Variants in TCF7L1 observed in about 807,000 individuals in gnomAD.
TCF7L1 encodes the protein transcription factor 7 like 1.
Under a neutral mutation model 63.7 loss-of-function variants are expected in TCF7L1, and 18 were observed. The ratio of observed to expected loss-of-function variants is 0.28; its 90% CI spans 0.20 to 0.42. TCF7L1 has a LOEUF of 0.42. TCF7L1 is among the 10% of genes least tolerant of loss of function. The probability of loss-of-function intolerance (pLI) is 1.00; values close to 1 mark genes in which losing one functional copy is unlikely to be tolerated. For missense variants in TCF7L1, 654 were observed against 779.3 expected (o/e 0.84, Z 1.91); for synonymous variants, 355 against 340.9 (o/e 1.04, Z -0.46).
chr2:85,143,562 G>A (rs1677795972), intron 3 of TCF7L1, among the ~76,000 whole-genome samples: 1 of 152,196 alleles, frequency 6.6e-6, no homozygotes, highest in Non-Finnish European at 1.5e-5. Flanking sequence ...TTTTGCTGCT[G>A]TGCAAACAGA....
At chr2:85,162,940 C>T (rs938179686) in intron 3 of TCF7L1, among the ~76,000 whole-genome samples, 2 of 152,146 alleles carry the variant, frequency 1.3e-5, no homozygotes, top group African/African-American at 4.8e-5. Flanking sequence ...CCACACATAG[C>T]CAGTAAAGGG....
At position 85,133,780 on chromosome 2, in the gene TCF7L1, C is replaced by G; in HGVS notation, c.96C>G (p.Leu32=). The part of the protein sequence containing the change: ...SAGAAGGGDD[L]GANDELIPFQ... The stretch of plus-strand genomic sequence containing the variant: ...GGGCGGCCGGCGGAGGGGACGACCT[C>G]GGGGCGAACGACGAGCTGATCCCCT... Residue 32 remains leucine (L), a synonymous_variant, in exon 1 of 12, where the codon CTC becomes CTG. Transcript: ENST00000282111. The surrounding 1 kb of genome is among the most constrained non-coding windows in gnomAD (Gnocchi z 4.4). 7.4e-7 allele frequency: 1 copy of G among 1,344,598 alleles called. No individual in the cohort carries two copies. The highest frequency in any genetic ancestry group is 9.6e-7 in the Non-Finnish European group (1 of 1,044,052). 83.3% of individuals were successfully genotyped at this position (1,344,598 alleles called of 1,614,324 possible). A position where few individuals can be genotyped will look rare whatever the true frequency, so the allele number is the denominator to read the frequency against.
intron 4 of TCF7L1, among the ~76,000 whole-genome samples, chr2:85,299,178 C>A (rs1384824578): frequency 6.6e-6 from 1 of 151,924 alleles, no homozygotes; most frequent in East Asian, 1.9e-4. Flanking sequence ...AAATACAGCA[C>A]ATGAGCAATC....
At chr2:85,233,737 G>A (rs1680131563) in intron 3 of TCF7L1, 1 of 152,064 alleles carries the variant, frequency 6.6e-6, no homozygotes, top group African/African-American at 2.4e-5. Context: ...CCTTTGTAGT[G>A]AGCCCCAAAC....
chr2:85,257,409 G>C (rs1214446684), intron 3 of TCF7L1, among the ~76,000 whole-genome samples: 1 of 152,212 alleles, frequency 6.6e-6, no homozygotes, highest in African/African-American at 2.4e-5. Context: ...TCCTCGGACT[G>C]CCCACTGGAG....
At chr2:85,221,187 C>T (rs1679833543) in intron 3 of TCF7L1, among the ~76,000 whole-genome samples, 1 of 152,030 alleles carries the variant, frequency 6.6e-6, no homozygotes, top group African/African-American at 2.4e-5. Flanking sequence ...GAAAACACAA[C>T]AAAATAAACA....
At chr2:85,308,483 T>C (rs111607187) in intron 11 of TCF7L1, among the ~76,000 whole-genome samples, 631 of 37,158 alleles carry the variant, frequency 0.017, 11 homozygotes, top group African/African-American at 0.071. Flanking sequence ...CTCCCCCTCC[T>C]TCCCTCCCTT....
At chr2:85,137,409 C>T (rs1677619532) in intron 3 of TCF7L1, among the ~76,000 whole-genome samples, 1 of 152,202 alleles carries the variant, frequency 6.6e-6, no homozygotes, top group Admixed American at 6.5e-5. Context: ...GTCCCCTCAG[C>T]ATGGGATGTG....
At chr2:85,169,971 A>G (rs958833983) in intron 3 of TCF7L1, among the ~76,000 whole-genome samples, 1 of 152,274 alleles carries the variant, frequency 6.6e-6, no homozygotes, top group Non-Finnish European at 1.5e-5. Flanking sequence ...TCCAAATTGA[A>G]AAAGAAGAGC....
intron 3 of TCF7L1, among the ~76,000 whole-genome samples, chr2:85,240,691 G>A (rs898915352): frequency 1.1e-4 from 16 of 150,866 alleles, no homozygotes; most frequent in Admixed American, 5.9e-4. Context: ...CAGGAGAATC[G>A]CTTGAACCCA....
At chr2:85,249,973 A>G (rs1680553830) in intron 3 of TCF7L1, among the ~76,000 whole-genome samples, 1 of 152,232 alleles carries the variant, frequency 6.6e-6, no homozygotes, top group African/African-American at 2.4e-5. Context: ...AGACATAGGG[A>G]CAGAGAAAGG....
intron 3 of TCF7L1, among the ~76,000 whole-genome samples, chr2:85,154,137 G>T (rs1388468796): frequency 1.3e-5 from 2 of 152,150 alleles, no homozygotes; most frequent in Non-Finnish European, 2.9e-5. Flanking sequence ...TTGTGCTATG[G>T]ACTTTCCTTC....
At chr2:85,135,931 A>AGGG (rs56107490) in intron 3 of TCF7L1, among the ~76,000 whole-genome samples, 5 of 143,684 alleles carry the variant, frequency 3.5e-5, no homozygotes, top group African/African-American at 1.3e-4. Context: ...TGCCAATCAA[A>AGGG]GGGGGGGGGG....
chr2:85,136,494 G>C (rs562594556), intron 3 of TCF7L1, among the ~76,000 whole-genome samples: 17 of 152,274 alleles, frequency 1.1e-4, no homozygotes, highest in African/African-American at 3.9e-4. Flanking sequence ...ATGCCTCTCT[G>C]ACTGTCCTTG....
At chr2:85,274,773 C>T (rs761209862) in intron 3 of TCF7L1, among the ~76,000 whole-genome samples, 16 of 152,178 alleles carry the variant, frequency 1.1e-4, no homozygotes, top group Non-Finnish European at 1.9e-4. Flanking sequence ...AACACACCAC[C>T]GAACCAGACC....
intron 3 of TCF7L1, among the ~76,000 whole-genome samples, chr2:85,164,744 A>G (rs967096976): frequency 6.6e-6 from 1 of 152,240 alleles, no homozygotes; most frequent in Non-Finnish European, 1.5e-5. Flanking sequence ...ACCAGTAGCA[A>G]TTGCAAAGTG....
At chr2:85,167,995 G>A (rs1465384351) in intron 3 of TCF7L1, among the ~76,000 whole-genome samples, 22 of 152,148 alleles carry the variant, frequency 1.4e-4, no homozygotes, top group Admixed American at 1.4e-3. Flanking sequence ...ATGTGGGATC[G>A]AAAATAGTCA....
intron 4 of TCF7L1, among the ~76,000 whole-genome samples, chr2:85,290,765 A>G (rs917580309): frequency 3.9e-5 from 6 of 152,234 alleles, no homozygotes; most frequent in Non-Finnish European, 8.8e-5. Flanking sequence ...GTAAGCTGGC[A>G]GGCTGGAGAC....
chr2:85,287,321 C>G (rs919382674), intron 4 of TCF7L1, among the ~76,000 whole-genome samples: 3 of 152,190 alleles, frequency 2.0e-5, no homozygotes, highest in Admixed American at 2.0e-4. Flanking sequence ...CATTTTCTTT[C>G]TAGACTTTTA....
Sources: allele counts gnomAD v4.1 joint callset (sites outside exome capture counted in the v4.1 genomes callset), GRCh38; gene constraint gnomAD v4.1.1; non-coding constraint Gnocchi (gnomAD v3.1); transcripts MANE v1.5; gene names NCBI Gene and HGNC (gene_info 2026-07-23, HGNC 2026-07-21).